The following MAPKAPK3 variants were observed in gnomAD, a reference collection of about 807,000 sequenced individuals.
The protein encoded by MAPKAPK3 is MAPK activated protein kinase 3.
Under a neutral mutation model 49.2 loss-of-function variants are expected in MAPKAPK3, and 35 were observed. The observed-to-expected ratio is 0.71, with a 90% CI of 0.54 to 0.94. The LOEUF (loss-of-function observed/expected upper bound fraction) is 0.94, where lower values mean the gene tolerates loss of function less well. MAPKAPK3 is among the 40% of genes least tolerant of loss of function. The pLI, the probability that MAPKAPK3 is intolerant of heterozygous loss-of-function variation, is 0.00. For missense variants in MAPKAPK3, 398 were observed against 493.1 expected, an observed-to-expected ratio of 0.81 and a Z score of 1.83; for synonymous variants, 178 against 188.7, an observed-to-expected ratio of 0.94 and a Z score of 0.46.
chr3:50,623,912 G>A (rs2032671230), intron 2 of MAPKAPK3, among the ~76,000 whole-genome samples: 1 of 152,230 alleles, frequency 6.6e-6, no homozygotes, highest in Non-Finnish European at 1.5e-5. Flanking sequence ...TGCTGCCAGT[G>A]TCTACCTACA....
chr3:50,643,715 G>A (rs543288896), intron 5 of MAPKAPK3, among the ~76,000 whole-genome samples: 34 of 152,120 alleles, frequency 2.2e-4, no homozygotes, highest in African/African-American at 7.5e-4. Flanking sequence ...TTCTCAAATG[G>A]AACCTGAGAA....
At chr3:50,642,070 C>T (rs1469123540) in intron 4 of MAPKAPK3, among the ~76,000 whole-genome samples, 183 bp from the exon 5 acceptor site, 5 of 151,938 alleles carry the variant, frequency 3.3e-5, no homozygotes, top group South Asian at 2.1e-4. Context: ...GGGGTATCCT[C>T]GGAGGAAACT....
At chr3:50,644,955 C>T (rs1004206352) in intron 6 of MAPKAPK3, among the ~76,000 whole-genome samples, 9 of 152,138 alleles carry the variant, frequency 5.9e-5, no homozygotes, top group East Asian at 3.9e-4. Flanking sequence ...TTGTGGGAGA[C>T]GGTCACTAAA....
At chr3:50,614,489 A>C (rs943571395), upstream of MAPKAPK3, among the ~76,000 whole-genome samples, 6 of 141,454 alleles carry the variant, frequency 4.2e-5, no homozygotes, top group Non-Finnish European at 7.5e-5. Flanking sequence ...TCCCCTCTCC[A>C]GTAAGGACAG....
At chr3:50,635,846 G>A (rs556815700) in intron 2 of MAPKAPK3, among the ~76,000 whole-genome samples, 1 of 140,464 alleles carries the variant, frequency 7.1e-6, no homozygotes, top group East Asian at 2.3e-4. Flanking sequence ...TGCTTCAGAA[G>A]CCAAGGCAGG....
rs1462226784 is a variant in MAPKAPK3 at position 50,649,220 on chromosome 3, A to T, written c.*1174A>T. ...CCTCTCTCACTGGCTGGGAAACCCT[A>T]GACCATGTCAGATAGGACAACACTG... On this transcript the variant is annotated 3_prime_UTR_variant, in exon 11 of 11. Coordinates refer to ENST00000621469, the MANE Select transcript of MAPKAPK3 (RefSeq NM_001243925.2). The T allele has an allele frequency of 1.3e-5, 2 of 152,270 alleles. No homozygotes were observed. Among genetic ancestry groups the T allele is most frequent in the Non-Finnish European group, 2.9e-5 (2 of 68,070 alleles). The allele number at this position is 152,270 out of a possible 1,614,324, so 9.4% of individuals were successfully genotyped here.
chr3:50,624,936 C>T (rs2032702711), intron 2 of MAPKAPK3, among the ~76,000 whole-genome samples: 1 of 152,188 alleles, frequency 6.6e-6, no homozygotes, highest in Admixed American at 6.5e-5. Flanking sequence ...GGTGTTTTCC[C>T]TGGAGAACAT....
chr3:50,620,759 T>C (rs2032590550), intron 2 of MAPKAPK3, among the ~76,000 whole-genome samples: 1 of 152,172 alleles, frequency 6.6e-6, no homozygotes, highest in Non-Finnish European at 1.5e-5. Context: ...TTCTACTCCA[T>C]TGTACCCCAA....
intron 2 of MAPKAPK3, among the ~76,000 whole-genome samples, chr3:50,626,386 G>C (rs146857206): frequency 5.8e-4 from 88 of 152,270 alleles, no homozygotes; most frequent in Non-Finnish European, 1.1e-3. Context: ...TAGCTGGTGT[G>C]AACACTCAAG....
At chr3:50,637,868 G>C (rs544188213) in intron 2 of MAPKAPK3, among the ~76,000 whole-genome samples, 1 of 152,156 alleles carries the variant, frequency 6.6e-6, no homozygotes, top group African/African-American at 2.4e-5. Context: ...AGGCCTGGGG[G>C]AGTAAGGCCT....
At chr3:50,614,320 A>G (rs873985), upstream of MAPKAPK3, among the ~76,000 whole-genome samples, 17,783 of 152,112 alleles carry the variant, frequency 0.12, 1,329 homozygotes, top group South Asian at 0.16. Flanking sequence ...CTTCTCTTCT[A>G]GGATAATCCC....
chr3:50,647,155 C>T lies in MAPKAPK3; in HGVS notation c.948C>T (p.His316=), dbSNP rs2033320306. The T allele has an allele frequency of 6.9e-6, 11 of 1,595,440 alleles. No homozygotes were observed. Among genetic ancestry groups the T allele is most frequent in the Non-Finnish European group, 9.4e-6 (11 of 1,170,878 alleles). ...QSMVVPQTPL[H]TARVLQEDKD... is the part of the protein sequence containing the mutation. The stretch of plus-strand genomic sequence containing the variant: ...TGGTAGTGCCACAGACCCCACTCCA[C>T]ACGGCCCGAGTGCTGCAGGAGGACA... Residue 316 remains histidine, a synonymous_variant, in exon 10 of 11, where the codon CAC becomes CAT. Coordinates refer to ENST00000621469, the MANE Select transcript of MAPKAPK3 (RefSeq NM_001243925.2).
At chr3:50,617,103 A>AGTGGGGGGG (rs1553624968), upstream of MAPKAPK3, 1 of 6,664 alleles carries the variant, frequency 1.5e-4, no homozygotes, top group South Asian at 4.2e-3. Flanking sequence ...GGAGTGGGGG[A>AGTGGGGGGG]GGGGGGGGTG....
chr3:50,647,744 A>T (rs2033337820), intron 10 of MAPKAPK3, 150 bp from the exon 11 acceptor site: 5 of 708,282 alleles, frequency 7.1e-6, no homozygotes, highest in Non-Finnish European at 1.2e-5. Flanking sequence ...CATGTGATGC[A>T]AAGGGCTTGG....
chr3:50,614,034 G>C (rs1387189208), upstream of MAPKAPK3: 1 of 152,296 alleles, frequency 6.6e-6, no homozygotes, highest in East Asian at 1.9e-4. Context: ...TGATTATGCA[G>C]TCTATGTGTA....
intron 2 of MAPKAPK3, among the ~76,000 whole-genome samples, chr3:50,638,537 G>T (rs1334338597): frequency 6.6e-6 from 1 of 152,194 alleles, no homozygotes; most frequent in Admixed American, 6.5e-5. Flanking sequence ...AGCCTGCTCT[G>T]GGTAATGGAG....
upstream of MAPKAPK3, chr3:50,611,853 TC>T: frequency 3.2e-6 from 2 of 616,438 alleles, no homozygotes; most frequent in Non-Finnish European, 5.0e-6. Flanking sequence ...TGCTGCCTAA[TC>T]CTTTGTCTGC....
At chr3:50,615,714 G>C (rs538177698), upstream of MAPKAPK3, among the ~76,000 whole-genome samples, 1 of 152,252 alleles carries the variant, frequency 6.6e-6, no homozygotes, top group Non-Finnish European at 1.5e-5. Flanking sequence ...TGGTCTGCAA[G>C]AAGTGTTCAC....
chr3:50,628,141 G>A (rs1463764342), intron 2 of MAPKAPK3, among the ~76,000 whole-genome samples: 1 of 152,184 alleles, frequency 6.6e-6, no homozygotes, highest in Non-Finnish European at 1.5e-5. Context: ...AGAGAGACCA[G>A]CTGTCATTCT....
Sources: allele counts gnomAD v4.1 joint callset (sites outside exome capture counted in the v4.1 genomes callset), GRCh38; gene constraint gnomAD v4.1.1; transcripts MANE v1.5; gene names NCBI Gene and HGNC (gene_info 2026-07-23, HGNC 2026-07-21).